The following KLHDC4 variants were observed in gnomAD, a reference collection of about 807,000 sequenced individuals.
KLHDC4 encodes the protein kelch domain containing 4, also known as kelch domain-containing protein 4.
KLHDC4 carries 90 observed loss-of-function variants against 62.4 expected under a neutral mutation model. The observed-to-expected ratio is 1.44, with a 90% CI of 1.22 to 1.72. The LOEUF (loss-of-function observed/expected upper bound fraction) is 1.72. Ranked by LOEUF, KLHDC4 falls within the 40% of genes most tolerant of loss-of-function variation. The pLI, the probability that KLHDC4 is intolerant of heterozygous loss-of-function variation, is 0.00. For synonymous variants in KLHDC4, 386 were observed against 284.4 expected (o/e 1.36, Z -3.59); for missense variants, 1,025 against 699.7 (o/e 1.47, Z -5.25).
intron 7 of KLHDC4, among the ~76,000 whole-genome samples, chr16:87,721,705 G>C (rs149536852): frequency 6.6e-6 from 1 of 152,352 alleles, no homozygotes; most frequent in East Asian, 1.9e-4. Context: ...AGTGGCAAAT[G>C]AAAGGACGCT....
chr16:87,748,558 G>A, intron 5 of KLHDC4, 115 bp downstream of exon 5: 1 of 1,356,112 alleles, frequency 7.4e-7, no homozygotes, highest in Non-Finnish European at 1.0e-6. Flanking sequence ...CTCCAGGACT[G>A]TGACCCAAGT....
chr16:87,761,914 G>C (rs770800283), intron 2 of KLHDC4, 35 bp downstream of exon 2: 19 of 1,600,204 alleles, frequency 1.2e-5, no homozygotes, highest in South Asian at 3.3e-5. Context: ...TAGAAGAAAA[G>C]GAAACATACA....
intron 5 of KLHDC4, 27 bp downstream of exon 5, chr16:87,748,646 A>G: frequency 6.2e-7 from 1 of 1,613,272 alleles, no homozygotes; most frequent in Non-Finnish European, 8.5e-7. Flanking sequence ...CCATGCCCGG[A>G]GCTCAGCTTC....
intron 6 of KLHDC4, among the ~76,000 whole-genome samples, chr16:87,730,270 T>C (rs1360277251): frequency 6.6e-6 from 1 of 152,226 alleles, no homozygotes; most frequent in Non-Finnish European, 1.5e-5. Flanking sequence ...CCATTTTAGA[T>C]AGAACTAGCC....
At chr16:87,716,230 G>C (rs2036947732) in intron 7 of KLHDC4, among the ~76,000 whole-genome samples, 1 of 151,880 alleles carries the variant, frequency 6.6e-6, no homozygotes, top group South Asian at 2.1e-4. Context: ...GTAGACTTTG[G>C]GTACGCGCTA....
Position 87,701,167 on chromosome 16 carries a change from C to T in KLHDC4, c.*472G>A, listed in dbSNP as rs1029705016. 14 of 201,416 alleles carry T rather than the reference C, an allele frequency of 7.0e-5. No individual in the cohort carries two copies. The Admixed American group carries it at 7.4e-4, about 11-fold the overall frequency. 12.5% of individuals were successfully genotyped at this position (201,416 alleles called of 1,614,324 possible). On this transcript the variant is annotated 3_prime_UTR_variant, in exon 1 of 1. Coordinates refer to the KLHDC4 transcript ENST00000446344. ...GTGGGGGGTGGGTGCTGGAAAGGGA[C>T]AGAACAAGGGTCCGTGGCAACCACA...
At chr16:87,706,445 G>T (rs554836389), downstream of KLHDC4, among the ~76,000 whole-genome samples, 123 of 148,820 alleles carry the variant, frequency 8.3e-4, no homozygotes, top group African/African-American at 2.9e-3. Flanking sequence ...CGGCGGAGGG[G>T]GCCGGCACAA....
At chr16:87,715,854 G>A (rs1048841677) in intron 7 of KLHDC4, among the ~76,000 whole-genome samples, 2 of 152,192 alleles carry the variant, frequency 1.3e-5, no homozygotes, top group Non-Finnish European at 2.9e-5. Context: ...TACTGTGGTC[G>A]CAGGGGTAGT....
chr16:87,735,523 G>A, intron 5 of KLHDC4, among the ~76,000 whole-genome samples: 1 of 152,218 alleles, frequency 6.6e-6, no homozygotes, highest in African/African-American at 2.4e-5. Flanking sequence ...CCCCACCAGA[G>A]TCTCATCCTC....
At chr16:87,760,787 C>T (rs1217255237) in intron 2 of KLHDC4, among the ~76,000 whole-genome samples, 1 of 152,128 alleles carries the variant, frequency 6.6e-6, no homozygotes, top group African/African-American at 2.4e-5. Context: ...AATCCCAGCA[C>T]TTTGGGAGGC....
At chr16:87,736,385 C>G (rs2041314134) in intron 5 of KLHDC4, among the ~76,000 whole-genome samples, 1 of 152,208 alleles carries the variant, frequency 6.6e-6, no homozygotes, top group South Asian at 2.1e-4. Context: ...AGGACCACTG[C>G]TGCACCGGCG....
chr16:87,715,628 G>T (rs1359197088), intron 7 of KLHDC4, among the ~76,000 whole-genome samples: 5 of 152,156 alleles, frequency 3.3e-5, no homozygotes, highest in Non-Finnish European at 7.4e-5. Flanking sequence ...CCTCTACTGG[G>T]ACTGTCTGCT....
intron 5 of KLHDC4, among the ~76,000 whole-genome samples, chr16:87,744,558 G>C (rs576527006): frequency 1.2e-3 from 180 of 151,200 alleles, no homozygotes; most frequent in Admixed American, 3.7e-3. Context: ...ACTCCAGCCT[G>C]GGCAACAGAG....
exon 1 of KLHDC4, chr16:87,702,092 A>G (rs1028215384): frequency 7.9e-5 from 36 of 456,036 alleles, no homozygotes; most frequent in African/African-American, 7.2e-4. Flanking sequence ...CCGAGATCAG[A>G]ACAGCCTTCG....
At chr16:87,746,961 T>C (rs1312656574) in intron 5 of KLHDC4, among the ~76,000 whole-genome samples, 2 of 152,208 alleles carry the variant, frequency 1.3e-5, no homozygotes, top group African/African-American at 4.8e-5. Flanking sequence ...GAGCCTGCAG[T>C]GTGGGATGCA....
intron 5 of KLHDC4, among the ~76,000 whole-genome samples, chr16:87,746,369 G>A (rs180918326): frequency 6.6e-6 from 1 of 151,866 alleles, no homozygotes; most frequent in East Asian, 1.9e-4. Flanking sequence ...AAGAGAGAGA[G>A]AGCGAGAAAG....
chr16:87,731,966 A>T (rs1466979828), intron 5 of KLHDC4, among the ~76,000 whole-genome samples: 1 of 152,194 alleles, frequency 6.6e-6, no homozygotes, highest in Non-Finnish European at 1.5e-5. Flanking sequence ...CGAGCGTCTT[A>T]AAGGTGAGAT....
intron 2 of KLHDC4, among the ~76,000 whole-genome samples, chr16:87,756,743 A>AT (rs2045003341): frequency 1.4e-5 from 2 of 147,178 alleles, no homozygotes; most frequent in South Asian, 4.4e-4. Context: ...AAAAAAAAAA[A>AT]TTCCCCAGGC....
chr16:87,742,302 G>A (rs976159754), intron 5 of KLHDC4, among the ~76,000 whole-genome samples: 5 of 152,062 alleles, frequency 3.3e-5, no homozygotes, highest in African/African-American at 1.2e-4. Context: ...TGACGATCCG[G>A]CCACATAGCA....
Sources: allele counts gnomAD v4.1 joint callset (sites outside exome capture counted in the v4.1 genomes callset), GRCh38; gene constraint gnomAD v4.1.1; transcripts MANE v1.5; gene names NCBI Gene and HGNC (gene_info 2026-07-23, HGNC 2026-07-21).